HIPK3: variants seen among roughly 807,000 people sequenced by gnomAD.
HIPK3 encodes homeodomain-interacting protein kinase 3.
A neutral mutation model predicts 124.2 loss-of-function variants in HIPK3; 47 were observed. The ratio of observed to expected loss-of-function variants is 0.38; its 90% CI spans 0.30 to 0.48. The LOEUF is 0.48. Among genes scored for constraint, HIPK3 ranks in the 20% least tolerant of loss-of-function variants. HIPK3 has a pLI of 0.98. For synonymous variants in HIPK3, 482 were observed against 515.2 expected, an observed-to-expected ratio of 0.94 and a Z score of 0.87; for missense variants, 1,286 against 1,454.3, an observed-to-expected ratio of 0.88 and a Z score of 1.88.
intron 8 of HIPK3, among the ~76,000 whole-genome samples, chr11:33,345,140 C>T (rs1488770599): frequency 6.6e-6 from 1 of 151,760 alleles, no homozygotes; most frequent in Non-Finnish European, 1.5e-5. Context: ...ATACTATATC[C>T]ATAAGACTGT....
intron 8 of HIPK3, 108 bp downstream of exon 8, chr11:33,341,794 C>A: frequency 1.9e-6 from 2 of 1,058,566 alleles, no homozygotes; most frequent in Non-Finnish European, 2.7e-6. Flanking sequence ...GCATTTAGTG[C>A]TACATTTGAA....
intron 2 of HIPK3, among the ~76,000 whole-genome samples, chr11:33,289,900 C>T (rs563670949): frequency 6.6e-6 from 1 of 152,240 alleles, no homozygotes; most frequent in Non-Finnish European, 1.5e-5. Flanking sequence ...CACATATGAG[C>T]GAGAACATTG....
intron 3 of HIPK3, among the ~76,000 whole-genome samples, chr11:33,330,728 T>C (rs112329651): frequency 6.6e-6 from 1 of 152,332 alleles, no homozygotes; most frequent in African/African-American, 2.4e-5. Flanking sequence ...AATCTGGGAC[T>C]TTAAGCTCAT....
In HIPK3 at chr11:33,355,096, A is replaced by G. The variant is rs1853781346; in HGVS notation, c.*1528A>G. On this transcript the variant is annotated 3_prime_UTR_variant, in exon 17 of 17. Transcript: ENST00000303296. ...GAATGTATCATAGATAAGCTGCTAT[A>G]TAACGATTGCCACTTCAGATAGCTG... 1 of 152,118 alleles carries G rather than the reference A, an allele frequency of 6.6e-6. No individual in the cohort carries two copies. 9.4% of individuals were successfully genotyped at this position (152,118 alleles called of 1,614,324 possible). A position where few individuals can be genotyped will look rare whatever the true frequency, so the allele number is the denominator to read the frequency against.
intron 1 of HIPK3, among the ~76,000 whole-genome samples, chr11:33,268,348 AC>A (rs1851028563): frequency 6.6e-6 from 1 of 152,114 alleles, no homozygotes; most frequent in Non-Finnish European, 1.5e-5. Flanking sequence ...TAATCCTAGC[AC>A]TTTAGGAGGC....
chr11:33,303,446 A>G (rs981435264), intron 2 of HIPK3, among the ~76,000 whole-genome samples: 2 of 152,230 alleles, frequency 1.3e-5, no homozygotes, highest in African/African-American at 4.8e-5. Flanking sequence ...CGTAGGTTAA[A>G]AGAAGACTTT....
intron 2 of HIPK3, among the ~76,000 whole-genome samples, chr11:33,289,034 AAAATAAAGGAG>A (rs1851629469): frequency 6.6e-6 from 1 of 152,212 alleles, no homozygotes; most frequent in Non-Finnish European, 1.5e-5. Context: ...TGCCCAGTAT[AAAATAAAGGAG>A]AAATTAATTA....
chr11:33,306,776 C>T (rs1332605605), intron 2 of HIPK3, among the ~76,000 whole-genome samples: 1 of 152,064 alleles, frequency 6.6e-6, no homozygotes, highest in East Asian at 1.9e-4. Context: ...ATTAAAGTGG[C>T]ATGGTTTAAA....
intron 2 of HIPK3, among the ~76,000 whole-genome samples, chr11:33,313,570 A>C (rs1388436867): frequency 6.6e-6 from 1 of 152,184 alleles, no homozygotes; most frequent in Non-Finnish European, 1.5e-5. Flanking sequence ...ACATTTGGGG[A>C]ATCTAGTTGA....
intron 1 of HIPK3, among the ~76,000 whole-genome samples, chr11:33,279,979 T>A (rs1851370721): frequency 6.6e-6 from 1 of 152,102 alleles, no homozygotes; most frequent in Non-Finnish European, 1.5e-5. Flanking sequence ...CTTAATACCA[T>A]CACTTTTGGC....
At chr11:33,347,203 A>T (rs898499359) in intron 8 of HIPK3, 90 bp from the exon 9 acceptor site, 7 of 1,301,516 alleles carry the variant, frequency 5.4e-6, no homozygotes, top group Non-Finnish European at 7.3e-6. Flanking sequence ...ATCTGTCAGA[A>T]TCTAAGCAAT....
chr11:33,296,072 T>C (rs571234328), intron 2 of HIPK3, among the ~76,000 whole-genome samples: 7 of 152,312 alleles, frequency 4.6e-5, no homozygotes, highest in South Asian at 2.1e-4. Flanking sequence ...GAGCTTTTTT[T>C]CCCCCTCCCT....
intron 2 of HIPK3, among the ~76,000 whole-genome samples, chr11:33,313,336 G>T (rs1466073439): frequency 6.6e-6 from 1 of 152,206 alleles, no homozygotes; most frequent in East Asian, 1.9e-4. Context: ...TGACATTATT[G>T]GGACAGTTGG....
chr11:33,327,683 A>G (rs895121401), intron 2 of HIPK3, among the ~76,000 whole-genome samples: 2 of 152,204 alleles, frequency 1.3e-5, no homozygotes, highest in African/African-American at 4.8e-5. Context: ...TAAGGAAAAA[A>G]TATGTACTGT....
chr11:33,341,314 C>T (rs1000720325), intron 7 of HIPK3, among the ~76,000 whole-genome samples, 187 bp downstream of exon 7: 1 of 152,134 alleles, frequency 6.6e-6, no homozygotes, highest in Non-Finnish European at 1.5e-5. Flanking sequence ...CTCCGATTCA[C>T]TTTTTGCCAT....
At chr11:33,335,404 A>G (rs918901208) in intron 3 of HIPK3, among the ~76,000 whole-genome samples, 2 of 152,172 alleles carry the variant, frequency 1.3e-5, no homozygotes, top group Non-Finnish European at 2.9e-5. Context: ...CGTCGTGGAA[A>G]TTGAGCGATT....
chr11:33,348,268 C>T (rs1853557908), intron 12 of HIPK3, 40 bp downstream of exon 12: 5 of 1,553,264 alleles, frequency 3.2e-6, no homozygotes, highest in African/African-American at 1.4e-5. Context: ...TATTATCTAC[C>T]TGTAATGTAG....
intron 2 of HIPK3, among the ~76,000 whole-genome samples, chr11:33,305,076 T>C (rs1249406191): frequency 1.3e-5 from 2 of 152,158 alleles, no homozygotes; most frequent in Non-Finnish European, 2.9e-5. Context: ...TCTTGGCTCA[T>C]TGCAGCCTCT....
chr11:33,299,459 C>T lies in HIPK3; in HGVS notation c.1097+11948C>T, dbSNP rs553388079. Among the ~76,000 whole-genome samples, 5 of 150,822 alleles carry T rather than the reference C, an allele frequency of 3.3e-5. No individual in the cohort carries two copies. The East Asian group carries it at 1.0e-3, about 30-fold the overall frequency. On this transcript the variant is annotated intron_variant, in intron 2 of 16. Coordinates refer to ENST00000303296, the MANE Select transcript of HIPK3 (RefSeq NM_005734.5). ...TGCAATTCCAGCCTGGGCTGCAGAA[C>T]GAGACTCTGTCTCAAAAAAAAAAGA...
Sources: allele counts gnomAD v4.1 joint callset (sites outside exome capture counted in the v4.1 genomes callset), GRCh38; gene constraint gnomAD v4.1.1; transcripts MANE v1.5; gene names NCBI Gene and HGNC (gene_info 2026-07-23, HGNC 2026-07-21).